Variants in CDKAL1 observed in about 807,000 individuals in gnomAD.
CDKAL1 encodes the protein threonylcarbamoyladenosine tRNA methylthiotransferase.
A neutral mutation model predicts 68.2 loss-of-function variants in CDKAL1; 32 were observed. That is an observed-to-expected ratio of 0.47 (90% CI 0.35 to 0.63). CDKAL1 has a LOEUF of 0.63. Ranked by LOEUF, CDKAL1 falls within the 30% of genes least tolerant of loss-of-function variation. CDKAL1 has a pLI of 0.00. For synonymous variants in CDKAL1, 234 were observed against 244.3 expected (o/e 0.96, Z 0.39); for missense variants, 606 against 696.7 (o/e 0.87, Z 1.47).
Position 20,785,263 on chromosome 6 carries a change from C to T in CDKAL1, c.638+3998C>T, listed in dbSNP as rs377563994. Among the ~76,000 whole-genome samples the T allele has an allele frequency of 1.6e-3, 250 of 151,928 alleles. 8 individuals are homozygous for T. The South Asian group carries it at 0.049, about 30-fold the overall frequency. ...GCTCTCACATGAAAGCATTCCCATACGTATTTGTCCACACTATCATTCTAT... is the reference window on the plus strand; with the variant it reads ...GCTCTCACATGAAAGCATTCCCATATGTATTTGTCCACACTATCATTCTAT... On this transcript the variant is annotated intron_variant, in intron 8 of 15. Transcript: ENST00000274695.
chr6:20,921,408 C>T (rs184854339), intron 9 of CDKAL1, among the ~76,000 whole-genome samples: 8 of 152,282 alleles, frequency 5.3e-5, no homozygotes, highest in Admixed American at 2.6e-4. Context: ...CCCTGGGAGG[C>T]TGAGCAAGAC....
chr6:21,009,590 A>G (rs1041312777), intron 11 of CDKAL1, among the ~76,000 whole-genome samples: 2 of 152,338 alleles, frequency 1.3e-5, no homozygotes, highest in East Asian at 1.9e-4. Flanking sequence ...AATAGCCAAG[A>G]TAAGGAATCA....
chr6:20,541,587 A>T (rs1260865173), intron 2 of CDKAL1, among the ~76,000 whole-genome samples: 1 of 152,138 alleles, frequency 6.6e-6, no homozygotes, highest in Non-Finnish European at 1.5e-5. Flanking sequence ...TGTGGCCAGG[A>T]GGATGAGTTA....
At chr6:20,782,532 G>A (rs766098512) in intron 8 of CDKAL1, among the ~76,000 whole-genome samples, 4 of 151,806 alleles carry the variant, frequency 2.6e-5, no homozygotes, top group Admixed American at 6.6e-5. Flanking sequence ...ATACTTTCCC[G>A]CAACTCCTGA....
intron 5 of CDKAL1, among the ~76,000 whole-genome samples, chr6:20,667,608 ACTT>A: frequency 6.6e-6 from 1 of 152,256 alleles, no homozygotes; most frequent in Non-Finnish European, 1.5e-5. Context: ...GGCACTAAGT[ACTT>A]CGTATTTTTT....
intron 13 of CDKAL1, among the ~76,000 whole-genome samples, chr6:21,114,543 G>T (rs1045314520): frequency 6.6e-6 from 1 of 151,990 alleles, no homozygotes; most frequent in Non-Finnish European, 1.5e-5. Context: ...GACCAGCCTG[G>T]ACAACGTAAG....
intron 4 of CDKAL1, among the ~76,000 whole-genome samples, chr6:20,629,917 G>C (rs1015295565): frequency 2.6e-5 from 4 of 152,006 alleles, no homozygotes; most frequent in African/African-American, 7.3e-5. Flanking sequence ...GCAGCGGCAC[G>C]ATCTTGGATC....
intron 15 of CDKAL1, among the ~76,000 whole-genome samples, chr6:21,218,405 A>T (rs1425738934): frequency 1.3e-5 from 2 of 152,254 alleles, no homozygotes; most frequent in African/African-American, 4.8e-5. Flanking sequence ...AACAACAAAC[A>T]TTTATTACCT....
At chr6:21,100,544 T>C (rs919753405) in intron 12 of CDKAL1, among the ~76,000 whole-genome samples, 3 of 152,180 alleles carry the variant, frequency 2.0e-5, no homozygotes, top group African/African-American at 4.8e-5. Context: ...TGAAAAAATA[T>C]ATGGAATAGA....
intron 4 of CDKAL1, among the ~76,000 whole-genome samples, chr6:20,557,344 A>C (rs1255539947): frequency 1.3e-5 from 2 of 152,052 alleles, no homozygotes; most frequent in African/African-American, 4.8e-5. Context: ...GATCATGTGT[A>C]GTATCTGTAA....
At position 20,725,416 on chromosome 6, in the gene CDKAL1, T is replaced by C. The variant is rs543787091; in HGVS notation, c.372-14103T>C. Among the ~76,000 whole-genome samples the C allele has an allele frequency of 2.7e-4, 41 of 152,334 alleles. 2 individuals carry two copies. In the South Asian group the frequency reaches 7.9e-3, roughly 29 times the overall value. On this transcript the variant is annotated intron_variant, in intron 5 of 15. Coordinates refer to ENST00000274695, the MANE Select transcript of CDKAL1 (RefSeq NM_017774.3). The stretch of plus-strand genomic sequence containing the variant: ...CATGCTGTGCAAGGTGAGTTTTGAA[T>C]GCAGTGAGGCGTATATGCAGTGGTC...
At chr6:20,703,561 A>T (rs1771468382) in intron 5 of CDKAL1, among the ~76,000 whole-genome samples, 1 of 152,200 alleles carries the variant, frequency 6.6e-6, no homozygotes, top group African/African-American at 2.4e-5. Flanking sequence ...ATGATTTTGA[A>T]GATATTTTAT....
At chr6:20,686,608 A>C (rs1481115200) in intron 5 of CDKAL1, among the ~76,000 whole-genome samples, 1 of 152,230 alleles carries the variant, frequency 6.6e-6, no homozygotes, top group Non-Finnish European at 1.5e-5. Flanking sequence ...TAAAGTGCAC[A>C]ATAAATGTAA....
intron 8 of CDKAL1, among the ~76,000 whole-genome samples, chr6:20,802,164 G>A (rs373767457): frequency 5.3e-5 from 8 of 151,944 alleles, no homozygotes; most frequent in African/African-American, 1.9e-4. Context: ...TGGGTATGTT[G>A]GTGCACGCCT....
chr6:20,988,180 A>ATGTG (rs1491171083), intron 10 of CDKAL1, among the ~76,000 whole-genome samples: 26 of 34,354 alleles, frequency 7.6e-4, no homozygotes, highest in African/African-American at 1.9e-3. Flanking sequence ...AAGAAACATA[A>ATGTG]TATGTGTGTG....
chr6:20,538,275 C>T (rs891773071), intron 2 of CDKAL1, among the ~76,000 whole-genome samples: 8 of 150,578 alleles, frequency 5.3e-5, no homozygotes, highest in African/African-American at 2.0e-4. Context: ...CTTAAGTGAA[C>T]TGCCTGTTTT....
chr6:20,707,288 G>A (rs1771644656), intron 5 of CDKAL1, among the ~76,000 whole-genome samples: 1 of 152,156 alleles, frequency 6.6e-6, no homozygotes, highest in Non-Finnish European at 1.5e-5. Context: ...ATCTGCCTGG[G>A]TTAGTTGCAA....
intron 11 of CDKAL1, among the ~76,000 whole-genome samples, chr6:21,040,123 G>C (rs1161924925): frequency 6.6e-6 from 1 of 152,108 alleles, no homozygotes; most frequent in East Asian, 1.9e-4. Context: ...CGCTTGCTCT[G>C]AATTTATGCA....
chr6:20,772,597 A>G (rs1050132845), intron 7 of CDKAL1, among the ~76,000 whole-genome samples: 3 of 152,232 alleles, frequency 2.0e-5, no homozygotes, highest in African/African-American at 7.2e-5. Flanking sequence ...CCTTTGTTTA[A>G]TGTAACTTAA....
Sources: allele counts gnomAD v4.1 joint callset (sites outside exome capture counted in the v4.1 genomes callset), GRCh38; gene constraint gnomAD v4.1.1; transcripts MANE v1.5; gene names NCBI Gene and HGNC (gene_info 2026-07-23, HGNC 2026-07-21).